Variants in KIF3C observed in about 807,000 individuals in gnomAD.
KIF3C encodes the protein kinesin-like protein KIF3C.
Under a neutral mutation model 67.7 loss-of-function variants are expected in KIF3C, and 12 were observed. The ratio of observed to expected loss-of-function variants is 0.18; its 90% CI spans 0.11 to 0.29. The LOEUF is 0.29. Among genes scored for constraint, KIF3C ranks in the 10% least tolerant of loss-of-function variants. The pLI, the probability that KIF3C is intolerant of heterozygous loss-of-function variation, is 1.00. For synonymous variants in KIF3C, 393 were observed against 426.2 expected, an observed-to-expected ratio of 0.92 and a Z score of 0.96; for missense variants, 789 against 1,059.6, an observed-to-expected ratio of 0.74 and a Z score of 3.55.
chr2:25,949,787 T>G (rs969468474), intron 5 of KIF3C, among the ~76,000 whole-genome samples: 2 of 151,372 alleles, frequency 1.3e-5, no homozygotes, highest in Non-Finnish European at 2.9e-5. Flanking sequence ...CTGGCCAACA[T>G]GGTGAAACCC....
intron 1 of KIF3C, among the ~76,000 whole-genome samples, chr2:25,962,291 T>G (rs770712246): frequency 1.3e-5 from 2 of 152,138 alleles, no homozygotes; most frequent in Non-Finnish European, 2.9e-5. Flanking sequence ...TGCACAAACA[T>G]CAAAATCACC....
rs1320347022 is a variant in KIF3C at position 25,955,773 on chromosome 2, T to C, written c.1648-110A>G. The C allele has an allele frequency of 2.7e-5, 34 of 1,268,190 alleles. No homozygotes were observed. In the Admixed American group the frequency reaches 6.2e-4, roughly 23 times the overall value. 78.6% of individuals were successfully genotyped at this position (1,268,190 alleles called of 1,614,324 possible). A position where few individuals can be genotyped will look rare whatever the true frequency, so the allele number is the denominator to read the frequency against. ...CCTGTCTCGGGACCTGGCTTCACCA[T>C]GGCCCATGGCCCACATCCACTGCTC... On this transcript the variant is annotated intron_variant, in intron 2 of 7. Transcript: ENST00000264712. This position sits in a 1 kb window ranked among gnomAD's most constrained non-coding sequence, Gnocchi z 5.0.
At chr2:25,962,864 T>TATA (rs1664001027) in intron 1 of KIF3C, among the ~76,000 whole-genome samples, 1 of 71,776 alleles carries the variant, frequency 1.4e-5, no homozygotes, top group East Asian at 2.9e-4. Flanking sequence ...TAATATATAA[T>TATA]ATATATAATA....
intron 5 of KIF3C, among the ~76,000 whole-genome samples, chr2:25,933,022 A>C (rs992938922): frequency 6.6e-6 from 1 of 152,136 alleles, no homozygotes; most frequent in Non-Finnish European, 1.5e-5. Flanking sequence ...AGCCCAAGGC[A>C]GGTGGACTGC....
intron 1 of KIF3C, among the ~76,000 whole-genome samples, chr2:25,961,241 G>T (rs1663936335): frequency 6.6e-6 from 1 of 152,226 alleles, no homozygotes; most frequent in African/African-American, 2.4e-5. Flanking sequence ...TACATGGGGA[G>T]TGAAGAGATG....
At chr2:25,973,890 T>C (rs934660296) in intron 1 of KIF3C, among the ~76,000 whole-genome samples, 3 of 152,172 alleles carry the variant, frequency 2.0e-5, no homozygotes, top group Non-Finnish European at 2.9e-5. Context: ...AAGAGATGCA[T>C]TGCAGTCAGA....
chr2:25,976,345 C>T (rs867487387), intron 1 of KIF3C, among the ~76,000 whole-genome samples: 3 of 152,158 alleles, frequency 2.0e-5, no homozygotes, highest in Non-Finnish European at 4.4e-5. Flanking sequence ...GGATCACATC[C>T]GATGCTGTTG....
chr2:25,975,564 G>A (rs34625146), intron 1 of KIF3C, among the ~76,000 whole-genome samples: 2,613 of 152,266 alleles, frequency 0.017, 22 homozygotes, highest in Middle Eastern at 0.068. Flanking sequence ...ATCAGATTTT[G>A]TGTCAAATCC....
At chr2:25,949,575 C>T (rs999835538) in intron 5 of KIF3C, among the ~76,000 whole-genome samples, 5 of 151,884 alleles carry the variant, frequency 3.3e-5, no homozygotes, top group African/African-American at 1.2e-4. Flanking sequence ...TTAATGCACA[C>T]CTTCTCAAAG....
rs35420433 is a variant in KIF3C at position 25,971,271 on chromosome 2, CAA to C, written c.1545+9100_1545+9101del. Reference sequence around the variant, plus strand: ...TGGGTGACAGAGCAAGACTCTGTCTCAAAAAAAAAAAAAAAAAAAATAGCAGG... The same window carrying C: ...TGGGTGACAGAGCAAGACTCTGTCTCAAAAAAAAAAAAAAAAAATAGCAGG... On this transcript the variant is annotated intron_variant, in intron 1 of 7. Transcript: ENST00000264712. 8.7e-3 allele frequency among the ~76,000 whole-genome samples: 516 copies of C among 59,182 alleles called. 2 individuals are homozygous for C. The highest frequency in any genetic ancestry group is 0.023 in the Middle Eastern group (2 of 88). 38.8% of individuals were successfully genotyped at this position (59,182 alleles called of 152,430 possible).
chr2:25,956,398 T>G lies in KIF3C; in HGVS notation c.1592A>C (p.His531Pro). 1 of 1,614,194 alleles carries G rather than the reference T, an allele frequency of 6.2e-7. No individual in the cohort carries two copies. The highest frequency in any genetic ancestry group is 8.5e-7 in the Non-Finnish European group (1 of 1,180,038). Residue 531 changes from histidine to proline, a missense_variant, in exon 2 of 8, where the codon CAC becomes CCC. Physicochemically the swap from His to Pro is moderately conservative, Grantham distance 77 (BLOSUM62 -2). Coordinates refer to ENST00000264712, the MANE Select transcript of KIF3C (RefSeq NM_002254.8). ...CAACATCTTCTGCTGTTCGTTGGTG[T>G]GATCCATGATGTTCCTGCCCCCGAT... ...LLIGGRNIMD[H>P]TNEQQKMLEL...
intron 5 of KIF3C, among the ~76,000 whole-genome samples, chr2:25,947,030 C>T (rs1663460259): frequency 6.6e-6 from 1 of 151,872 alleles, no homozygotes; most frequent in South Asian, 2.1e-4. Context: ...TAGTGGGCGC[C>T]TGTAATCCCA....
At chr2:25,970,988 A>AG (rs1664268658) in intron 1 of KIF3C, among the ~76,000 whole-genome samples, 1 of 140,894 alleles carries the variant, frequency 7.1e-6, no homozygotes, top group African/African-American at 2.7e-5. Flanking sequence ...AAAAAAAAAA[A>AG]AGGGCCGGGC....
At chr2:25,970,965 GA>G (rs970182694) in intron 1 of KIF3C, among the ~76,000 whole-genome samples, 928 of 49,344 alleles carry the variant, frequency 0.019, 4 homozygotes, top group African/African-American at 0.039. Context: ...CTCTATGAAG[GA>G]AAAAAAAAAA....
At chr2:25,964,491 G>C (rs1365186558) in intron 1 of KIF3C, among the ~76,000 whole-genome samples, 1 of 151,946 alleles carries the variant, frequency 6.6e-6, no homozygotes, top group African/African-American at 2.4e-5. Context: ...ATTAGAGACG[G>C]GGTCTTGCTC....
At chr2:25,979,158 CT>C (rs1184488929) in intron 1 of KIF3C, among the ~76,000 whole-genome samples, 3 of 152,168 alleles carry the variant, frequency 2.0e-5, no homozygotes, top group African/African-American at 7.2e-5. Context: ...TGTGTCCTTC[CT>C]TCCACCCCTA....
chr2:25,951,005 C>T (rs1228356206), intron 5 of KIF3C, among the ~76,000 whole-genome samples: 4 of 152,122 alleles, frequency 2.6e-5, no homozygotes, highest in Admixed American at 6.5e-5. Flanking sequence ...AGCTTCCCAT[C>T]CCAGATTTAG....
chr2:25,972,727 C>T (rs767439492), intron 1 of KIF3C, among the ~76,000 whole-genome samples: 1 of 152,150 alleles, frequency 6.6e-6, no homozygotes, highest in Non-Finnish European at 1.5e-5. Context: ...AAGATCAGGA[C>T]AGTGGAATGA....
chr2:25,973,978 T>C (rs1386759609), intron 1 of KIF3C, among the ~76,000 whole-genome samples: 2 of 152,244 alleles, frequency 1.3e-5, no homozygotes, highest in African/African-American at 2.4e-5. Flanking sequence ...AAAACATCTA[T>C]TAGGTGGTTT....
Sources: allele counts gnomAD v4.1 joint callset (sites outside exome capture counted in the v4.1 genomes callset), GRCh38; gene constraint gnomAD v4.1.1; non-coding constraint Gnocchi (gnomAD v3.1); transcripts MANE v1.5; gene names NCBI Gene and HGNC (gene_info 2026-07-23, HGNC 2026-07-21).